The following LDB2 variants were observed in gnomAD, a reference collection of about 807,000 sequenced individuals.
The protein encoded by LDB2 is LIM domain binding 2.
LDB2 carries 12 observed loss-of-function variants against 44.3 expected under a neutral mutation model. The observed-to-expected ratio is 0.27, with a 90% confidence interval of 0.17 to 0.44. The LOEUF is 0.44. LDB2 is among the 20% of genes least tolerant of loss of function. The pLI is 1.00. For missense variants in LDB2, 344 were observed against 473.5 expected, an observed-to-expected ratio of 0.73 and a Z score of 2.54; for synonymous variants, 164 against 174.8, an observed-to-expected ratio of 0.94 and a Z score of 0.49.
At chr4:16,697,713 G>C (rs548945723) in intron 2 of LDB2, among the ~76,000 whole-genome samples, 10 of 152,300 alleles carry the variant, frequency 6.6e-5, no homozygotes, top group Admixed American at 2.0e-4. Flanking sequence ...CTGCTCTACA[G>C]GGAGGCTCCT....
At chr4:16,516,145 G>A (rs527618634) in intron 5 of LDB2, among the ~76,000 whole-genome samples, 6 of 152,030 alleles carry the variant, frequency 3.9e-5, no homozygotes, top group African/African-American at 1.4e-4. Flanking sequence ...GATTACAGGC[G>A]TGAGCCACCA....
At chr4:16,891,865 T>C (rs186775137) in intron 1 of LDB2, among the ~76,000 whole-genome samples, 465 of 152,324 alleles carry the variant, frequency 3.1e-3, no homozygotes, top group Non-Finnish European at 5.4e-3. Context: ...ACTAGATTCC[T>C]AGCTCATGTT....
Position 16,710,153 on chromosome 4 carries a change from A to G in LDB2, c.235+49005T>C, listed in dbSNP as rs148383502. On this transcript the variant is annotated intron_variant, in intron 2 of 7. Coordinates refer to ENST00000304523, the MANE Select transcript of LDB2 (RefSeq NM_001290.5). ...TAAAGTGGAGACTGATGGGATGGGA[A>G]GAAGAATAGTTTTTAAAAATATTTC... Among the ~76,000 whole-genome samples the G allele has an allele frequency of 9.0e-3, 1,363 of 152,282 alleles. 25 individuals carry two copies. Among genetic ancestry groups the G allele is most frequent in the African/African-American group, 0.03 (1,267 of 41,562 alleles).
intron 2 of LDB2, among the ~76,000 whole-genome samples, chr4:16,640,703 A>G (rs1203459920): frequency 1.3e-5 from 2 of 152,202 alleles, no homozygotes; most frequent in Non-Finnish European, 2.9e-5. Flanking sequence ...AAAGAGGTGA[A>G]GTGACTTGGC....
intron 2 of LDB2, among the ~76,000 whole-genome samples, chr4:16,618,304 C>G (rs1027118556): frequency 3.3e-5 from 5 of 152,142 alleles, no homozygotes; most frequent in Non-Finnish European, 5.9e-5. Context: ...ATCCCCAGAT[C>G]AGATTCAGAG....
intron 1 of LDB2, among the ~76,000 whole-genome samples, chr4:16,847,686 G>A (rs941970258): frequency 6.6e-6 from 1 of 152,160 alleles, no homozygotes. Flanking sequence ...GGCGGATCTC[G>A]GCTCATTGCA....
At chr4:16,512,290 C>CATTTATA in intron 5 of LDB2, 186 bp from the exon 6 acceptor site, 1 of 548,308 alleles carries the variant, frequency 1.8e-6, no homozygotes, top group Non-Finnish European at 3.1e-6. Flanking sequence ...ACTTAATTAT[C>CATTTATA]ATTTATAATA....
intron 5 of LDB2, among the ~76,000 whole-genome samples, chr4:16,573,221 G>T (rs1041107295): frequency 6.6e-6 from 1 of 152,060 alleles, no homozygotes; most frequent in Non-Finnish European, 1.5e-5. Context: ...ATATATAGAG[G>T]GAACTAATGG....
chr4:16,737,374 A>T (rs1040929668), intron 2 of LDB2, among the ~76,000 whole-genome samples: 3 of 152,194 alleles, frequency 2.0e-5, no homozygotes, highest in Non-Finnish European at 4.4e-5. Context: ...GGCTATAGGC[A>T]TCAGCCCCCA....
At chr4:16,824,383 G>A (rs1305040061) in intron 1 of LDB2, among the ~76,000 whole-genome samples, 1 of 152,160 alleles carries the variant, frequency 6.6e-6, no homozygotes, top group Non-Finnish European at 1.5e-5. Context: ...GAGCTGTTGG[G>A]ATGAGTACAT....
At chr4:16,733,375 G>T (rs554157497) in intron 2 of LDB2, among the ~76,000 whole-genome samples, 10 of 152,000 alleles carry the variant, frequency 6.6e-5, no homozygotes, top group Admixed American at 1.3e-4. Flanking sequence ...AAGTTGGGGG[G>T]CTCTTGAGGG....
intron 2 of LDB2, among the ~76,000 whole-genome samples, chr4:16,638,925 T>A (rs1234081037): frequency 6.6e-6 from 1 of 152,218 alleles, no homozygotes; most frequent in African/African-American, 2.4e-5. Flanking sequence ...GATCCTTTTT[T>A]AATGCTCTGT....
At chr4:16,781,151 G>C (rs1335454682) in intron 1 of LDB2, among the ~76,000 whole-genome samples, 1 of 152,140 alleles carries the variant, frequency 6.6e-6, no homozygotes, top group Non-Finnish European at 1.5e-5. Flanking sequence ...CTGTGATTTG[G>C]AGGGAAGCCT....
At chr4:16,515,380 A>G (rs1194491210) in intron 5 of LDB2, among the ~76,000 whole-genome samples, 2 of 152,210 alleles carry the variant, frequency 1.3e-5, no homozygotes, top group Non-Finnish European at 2.9e-5. Flanking sequence ...ATCACATAAC[A>G]TGCATGTGTC....
intron 1 of LDB2, among the ~76,000 whole-genome samples, chr4:16,838,577 G>A (rs1411531336): frequency 6.6e-6 from 1 of 152,102 alleles, no homozygotes; most frequent in African/African-American, 2.4e-5. Flanking sequence ...TTCTTGTCAT[G>A]TACTTAAAAA....
chr4:16,570,673 G>A (rs1327620569), intron 5 of LDB2, among the ~76,000 whole-genome samples: 2 of 151,834 alleles, frequency 1.3e-5, no homozygotes, highest in Non-Finnish European at 2.9e-5. Flanking sequence ...AGCTAATCAG[G>A]AGAGACTTCT....
intron 1 of LDB2, among the ~76,000 whole-genome samples, chr4:16,852,332 T>C (rs895274977): frequency 1.3e-5 from 2 of 152,162 alleles, no homozygotes; most frequent in African/African-American, 4.8e-5. Flanking sequence ...GCTGTGTAAA[T>C]CACACAGCGT....
chr4:16,780,712 T>C (rs2109454375), intron 1 of LDB2, among the ~76,000 whole-genome samples: 1 of 150,694 alleles, frequency 6.6e-6, no homozygotes, highest in East Asian at 1.9e-4. Context: ...TGTTGGGTAT[T>C]TCAATTTTTT....
chr4:16,733,559 G>T (rs915634031), intron 2 of LDB2, among the ~76,000 whole-genome samples: 1 of 152,162 alleles, frequency 6.6e-6, no homozygotes, highest in Non-Finnish European at 1.5e-5. Context: ...CTACAACTTG[G>T]GGGTTCATGT....
Sources: gnomAD v4.1 joint callset for allele counts (sites outside exome capture counted in the v4.1 genomes callset) on GRCh38, gnomAD v4.1.1 for gene constraint, MANE v1.5 for transcripts, NCBI Gene and HGNC (gene_info 2026-07-23, HGNC 2026-07-21) for gene names.